The following PDE3B variants were observed in gnomAD, a reference collection of about 807,000 sequenced individuals.
PDE3B encodes the protein cGMP-inhibited 3',5'-cyclic phosphodiesterase 3B.
A neutral mutation model predicts 116.8 loss-of-function variants in PDE3B; 66 were observed. That is an observed-to-expected ratio of 0.56 (90% CI 0.46 to 0.69). The LOEUF (loss-of-function observed/expected upper bound fraction) is 0.69. Among genes scored for constraint, PDE3B ranks in the 30% least tolerant of loss-of-function variants. The probability of loss-of-function intolerance (pLI) is 0.00; values close to 1 mark genes in which losing one functional copy is unlikely to be tolerated. For synonymous variants in PDE3B, 595 were observed against 533.6 expected, an observed-to-expected ratio of 1.12 and a Z score of -1.59; for missense variants, 1,384 against 1,368.1, an observed-to-expected ratio of 1.01 and a Z score of -0.18.
chr11:14,893,819 T>C, the PDE3B span, among the ~76,000 whole-genome samples: 1 of 152,176 alleles, frequency 6.6e-6, no homozygotes, highest in South Asian at 2.1e-4. Flanking sequence ...TAATTCTTCT[T>C]GCCATGAAAC....
chr11:14,839,227 T>G (rs527915834), intron 11 of PDE3B, among the ~76,000 whole-genome samples: 1 of 152,320 alleles, frequency 6.6e-6, no homozygotes, highest in South Asian at 2.1e-4. Flanking sequence ...TCAGCAACTG[T>G]CAGAATCCCT....
At chr11:14,660,565 G>C in intron 1 of PDE3B, among the ~76,000 whole-genome samples, 1 of 151,836 alleles carries the variant, frequency 6.6e-6, no homozygotes, top group East Asian at 1.9e-4. Context: ...TGGCCTCCCA[G>C]AGTGCTGGGA....
intron 1 of PDE3B, among the ~76,000 whole-genome samples, chr11:14,763,229 A>C (rs947967120): frequency 2.6e-5 from 4 of 152,098 alleles, no homozygotes; most frequent in Non-Finnish European, 4.4e-5. Context: ...CAAGTGAGAA[A>C]AATAATTTCA....
At chr11:14,891,663 G>A in the PDE3B span, 3 of 1,161,144 alleles carry the variant, frequency 2.6e-6, no homozygotes, top group East Asian at 5.8e-5. Flanking sequence ...CTGAAGTGGC[G>A]GCGCGGCTGG....
chr11:14,797,265 T>C (rs1330257932), intron 4 of PDE3B, among the ~76,000 whole-genome samples: 2 of 152,130 alleles, frequency 1.3e-5, no homozygotes, highest in Non-Finnish European at 2.9e-5. Context: ...CAGGCAGTAA[T>C]GATTGCTGTT....
At chr11:14,646,442 T>G (rs955715830) in intron 1 of PDE3B, among the ~76,000 whole-genome samples, 10 of 152,202 alleles carry the variant, frequency 6.6e-5, no homozygotes, top group African/African-American at 2.4e-4. Flanking sequence ...TTTTCTCAGT[T>G]TACTACCAGT....
intron 1 of PDE3B, among the ~76,000 whole-genome samples, chr11:14,687,291 A>G (rs1184594211): frequency 6.6e-6 from 1 of 152,184 alleles, no homozygotes; most frequent in East Asian, 1.9e-4. Flanking sequence ...TTAAATTGTG[A>G]CTTCCTAAAT....
At chr11:14,729,811 A>G (rs527845863) in intron 1 of PDE3B, among the ~76,000 whole-genome samples, 10 of 152,332 alleles carry the variant, frequency 6.6e-5, no homozygotes, top group Admixed American at 5.9e-4. Flanking sequence ...TGTAATAAAA[A>G]CAATGGATGA....
At chr11:14,784,074 A>G (rs1462855089) in intron 2 of PDE3B, among the ~76,000 whole-genome samples, 1 of 152,288 alleles carries the variant, frequency 6.6e-6, no homozygotes, top group African/African-American at 2.4e-5. Flanking sequence ...ATGAGAATCT[A>G]AGGCCTGATG....
Position 14,869,571 on chromosome 11 carries a change from G to A in PDE3B, c.3250G>A (p.Ala1084Thr). 3.1e-6 allele frequency: 5 copies of A among 1,613,904 alleles called. No individual in the cohort carries two copies. The highest frequency in any genetic ancestry group is 3.4e-6 in the Non-Finnish European group (4 of 1,179,954). ...EIVEEEEKCK[A>T]DGNKLQVENS... ...CGTAGAGGAAGAAGAAAAATGTAAA[G>A]CTGATGGGAATAAACTGCAGGTGGA... is the stretch of plus-strand genomic sequence containing the variant. The change falls in exon 16 of 16, where the codon GCT becomes ACT. Residue 1084 changes from alanine (A) to threonine (T), a missense_variant. Physicochemically the swap from Ala to Thr is moderately conservative, Grantham distance 58 (BLOSUM62 0). This residue lies in a region of PDE3B where 428 missense variants were observed against 561.4 expected (regional missense o/e 0.76). Transcript: ENST00000282096.
chr11:14,824,767 T>C (rs1354427440), intron 7 of PDE3B, among the ~76,000 whole-genome samples: 1 of 152,016 alleles, frequency 6.6e-6, no homozygotes, highest in Non-Finnish European at 1.5e-5. Flanking sequence ...ACACCCAAAC[T>C]CAGGAAATAC....
intron 1 of PDE3B, among the ~76,000 whole-genome samples, chr11:14,758,200 A>G (rs1392699713): frequency 6.6e-5 from 10 of 152,072 alleles, no homozygotes; most frequent in South Asian, 2.1e-4. Context: ...TGTTTTGGTT[A>G]GTGTAGCCTT....
intron 7 of PDE3B, among the ~76,000 whole-genome samples, chr11:14,827,332 G>T (rs1859727523): frequency 6.6e-6 from 1 of 152,100 alleles, no homozygotes; most frequent in African/African-American, 2.4e-5. Context: ...AATCAGGAAA[G>T]AGAAAGAAAT....
At chr11:14,756,499 T>G (rs2133881512) in intron 1 of PDE3B, among the ~76,000 whole-genome samples, 1 of 152,278 alleles carries the variant, frequency 6.6e-6, no homozygotes, top group East Asian at 1.9e-4. Context: ...ATACCCCACC[T>G]ACAAATACCT....
Position 14,665,786 on chromosome 11 carries a change from T to C in PDE3B, c.978+20733T>C, listed in dbSNP as rs560213514. Among the ~76,000 whole-genome samples the C allele has an allele frequency of 2.0e-4, 31 of 152,140 alleles. 1 individual carries two copies. The South Asian group carries it at 5.4e-3, about 26-fold the overall frequency. ...CACTGCTCAATGAAATAAAAGAGGA[T>C]ACAAATAAATGGAAGAACATTCCAT... On this transcript the variant is annotated intron_variant, in intron 1 of 15. Transcript: ENST00000282096.
At chr11:14,872,734 C>T (rs192111041), downstream of PDE3B, among the ~76,000 whole-genome samples, 1 of 152,200 alleles carries the variant, frequency 6.6e-6, no homozygotes, top group Non-Finnish European at 1.5e-5. Context: ...TCAATTCCCA[C>T]AGTCAACCCT....
intron 1 of PDE3B, among the ~76,000 whole-genome samples, chr11:14,734,923 A>G (rs1856557337): frequency 6.6e-6 from 1 of 152,194 alleles, no homozygotes; most frequent in African/African-American, 2.4e-5. Context: ...AGTTTCCCGA[A>G]ATATCCCCAA....
At chr11:14,847,257 A>G (rs1334123530) in intron 12 of PDE3B, among the ~76,000 whole-genome samples, 1 of 151,886 alleles carries the variant, frequency 6.6e-6, no homozygotes, top group Non-Finnish European at 1.5e-5. Flanking sequence ...ACATAATGAA[A>G]TGAAGGCAGA....
intron 1 of PDE3B, among the ~76,000 whole-genome samples, chr11:14,660,778 G>C (rs937207200): frequency 6.6e-6 from 1 of 152,064 alleles, no homozygotes; most frequent in Non-Finnish European, 1.5e-5. Context: ...ATCACCCTTA[G>C]AATATAAATT....
Sources: gnomAD v4.1 joint callset for allele counts (sites outside exome capture counted in the v4.1 genomes callset) on GRCh38, gnomAD v4.1.1 for gene constraint, gnomAD v4.1.1 regional missense constraint, MANE v1.5 for transcripts, NCBI Gene and HGNC (gene_info 2026-07-23, HGNC 2026-07-21) for gene names.